TSC22D3: variants seen among roughly 807,000 people sequenced by gnomAD.
TSC22D3 encodes the protein TSC22 domain family member 3, also known as TSC22 domain family protein 3.
Under a neutral mutation model 11.1 loss-of-function variants are expected in TSC22D3, and 4 were observed. The observed-to-expected ratio is 0.36, with a 90% CI of 0.18 to 0.83. The LOEUF (loss-of-function observed/expected upper bound fraction) is 0.83. Ranked by LOEUF, TSC22D3 falls within the 40% of genes least tolerant of loss-of-function variation. The pLI is 0.48. For synonymous variants in TSC22D3, 77 were observed against 70.3 expected, an observed-to-expected ratio of 1.10 and a Z score of -0.48; for missense variants, 118 against 159.4, an observed-to-expected ratio of 0.74 and a Z score of 1.40.
intron 1 of TSC22D3, among the ~76,000 whole-genome samples, chrX:107,758,543 C>A (rs1929280737): frequency 9.0e-6 from 1 of 111,513 alleles, no homozygotes; most frequent in Non-Finnish European, 1.9e-5. Context: ...CTCAAAGGGA[C>A]CTGCACTGAG....
At chrX:107,720,423 G>A (rs1044031870) in intron 1 of TSC22D3, among the ~76,000 whole-genome samples, 3 of 112,210 alleles carry the variant, frequency 2.7e-5, no homozygotes, top group African/African-American at 6.5e-5. Context: ...CAGGCGCAGC[G>A]GCTCACGCCT....
chrX:107,744,221 C>T (rs901325130), intron 1 of TSC22D3, among the ~76,000 whole-genome samples: 40 of 111,975 alleles, frequency 3.6e-4, no homozygotes, highest in Admixed American at 1.4e-3. Context: ...GCCAACCTTC[C>T]AATACTGCCA....
intron 1 of TSC22D3, among the ~76,000 whole-genome samples, chrX:107,751,617 C>T (rs1238370090): frequency 8.9e-6 from 1 of 112,205 alleles, no homozygotes; most frequent in Non-Finnish European, 1.9e-5. Context: ...CCAGTTTCTT[C>T]CCTACATCTT....
intron 1 of TSC22D3, among the ~76,000 whole-genome samples, chrX:107,767,597 T>A (rs747465241): frequency 3.3e-4 from 37 of 112,423 alleles, no homozygotes; most frequent in Admixed American, 7.5e-4. Context: ...CTCTCACAGA[T>A]CGCATCTTAG....
At chrX:107,742,273 GAGAGAGAA>G (rs1173465332) in intron 1 of TSC22D3, among the ~76,000 whole-genome samples, 1,134 of 68,972 alleles carry the variant, frequency 0.016, 11 homozygotes, top group Non-Finnish European at 0.022. Flanking sequence ...GAGAGAGAGA[GAGAGAGAA>G]AGAGAGAGAG....
rs1409740783 is a variant in TSC22D3, at chrX:107,713,446, T to C, written c.*1073A>G. ...CTCATCCACAGTAGGACACCATCCT[T>C]CTGTTCACTTGAAAGTTTTCCACAA... On this transcript the variant is annotated 3_prime_UTR_variant, in exon 3 of 3. Transcript: ENST00000372383. 1.8e-5 allele frequency: 2 copies of C among 112,259 alleles called. No individual in the cohort carries two copies. Among genetic ancestry groups the C allele is most frequent in the African/African-American group, 6.5e-5 (2 of 30,699 alleles). The allele number at this position is 112,259 out of a possible 1,213,427, so 9.3% of individuals were successfully genotyped here.
chrX:107,772,714 G>A (rs1929958137), intron 1 of TSC22D3, among the ~76,000 whole-genome samples: 1 of 110,607 alleles, frequency 9.0e-6, no homozygotes, highest in Admixed American at 9.6e-5. Context: ...AGCTGGGCAT[G>A]GTGGTGTGTG....
intron 1 of TSC22D3, chrX:107,717,124 G>A: frequency 1.1e-6 from 1 of 877,082 alleles, no homozygotes; most frequent in Non-Finnish European, 1.4e-6. Context: ...ATGGCGTCAG[G>A]GGCCATGCAA....
At chrX:107,763,246 A>C (rs932297050) in intron 1 of TSC22D3, among the ~76,000 whole-genome samples, 1 of 111,440 alleles carries the variant, frequency 9.0e-6, no homozygotes, top group Non-Finnish European at 1.9e-5. Context: ...CAATAATCTT[A>C]GTTCCTTTAG....
chrX:107,775,872 G>GCAGGCTCT (rs1358978308), upstream of TSC22D3: 1 of 117,485 alleles, frequency 8.5e-6, no homozygotes, highest in Non-Finnish European at 1.8e-5. Context: ...TCCCCGGTTT[G>GCAGGCTCT]CAGGCTCTCA....
chrX:107,717,879 A>G (rs1927133662), intron 1 of TSC22D3, among the ~76,000 whole-genome samples: 1 of 111,471 alleles, frequency 9.0e-6, no homozygotes. Flanking sequence ...TCCACATTCT[A>G]CTCTTTGAAG....
At chrX:107,720,680 C>T (rs751133873) in intron 1 of TSC22D3, among the ~76,000 whole-genome samples, 8 of 103,829 alleles carry the variant, frequency 7.7e-5, no homozygotes, top group Non-Finnish European at 1.4e-4. Flanking sequence ...GCAACAAGAG[C>T]GAAACTCTGT....
At chrX:107,729,916 G>A (rs1003097173) in intron 1 of TSC22D3, among the ~76,000 whole-genome samples, 10 of 112,799 alleles carry the variant, frequency 8.9e-5, no homozygotes, top group African/African-American at 1.3e-4. Context: ...GGAATGCCCC[G>A]CAGGTGGGCC....
chrX:107,728,531 T>C (rs1256244033), intron 1 of TSC22D3, among the ~76,000 whole-genome samples: 6 of 111,680 alleles, frequency 5.4e-5, no homozygotes, highest in Non-Finnish European at 3.8e-5. Flanking sequence ...CAGTGAGCAG[T>C]AGAGGGTGAT....
At chrX:107,726,035 G>C (rs972486815) in intron 1 of TSC22D3, among the ~76,000 whole-genome samples, 1 of 110,919 alleles carries the variant, frequency 9.0e-6, no homozygotes, top group Non-Finnish European at 1.9e-5. Context: ...AAACCTGCTG[G>C]GGCTGACTAT....
At position 107,714,629 on chromosome X, in the gene TSC22D3, T is replaced by C; in HGVS notation, c.493A>G (p.Thr165Ala). 1.3e-5 allele frequency: 16 copies of C among 1,211,283 alleles called. No individual in the cohort carries two copies. Among genetic ancestry groups the C allele is most frequent in the Non-Finnish European group, 1.8e-5 (16 of 895,397 alleles). ...QLERENTLLK[T>A]LASPEQLEKF... ...TCCAGCTGCTCTGGGCTTGCCAGGGTCTTCAACAGGGTGTTCTCACGCTCT... is the reference window on the plus strand; with the variant it reads ...TCCAGCTGCTCTGGGCTTGCCAGGGCCTTCAACAGGGTGTTCTCACGCTCT... The change falls in exon 3 of 3, where the codon ACC (threonine) becomes GCC (alanine). Residue 165 changes from threonine to alanine, a missense_variant. By Grantham distance (58) the Thr-to-Ala change is moderately conservative. Transcript: ENST00000372383.
chrX:107,729,523 C>CACTA (rs1319653626), intron 1 of TSC22D3, among the ~76,000 whole-genome samples: 2 of 112,231 alleles, frequency 1.8e-5, no homozygotes, highest in African/African-American at 6.5e-5. Context: ...CTAGAGCTGG[C>CACTA]GAGGGAAGCC....
Position 107,716,655 on chromosome X carries a change from G to A in TSC22D3, c.321-705C>T, listed in dbSNP as rs372162547. On this transcript the variant is annotated intron_variant, in intron 1 of 2. Coordinates refer to ENST00000372383, the MANE Select transcript of TSC22D3 (RefSeq NM_198057.3). ...TAGCCCAGCTCCGGCCGGCGCCCCG[G>A]CTCGGGAGGCGCCGGAGCTGGGGCC... 1.2e-4 allele frequency: 140 copies of A among 1,143,631 alleles called. 2 individuals are homozygous for A. The African/African-American group carries it at 2.2e-3, about 18-fold the overall frequency. The allele number at this position is 1,143,631 out of a possible 1,213,427, so 94.2% of individuals were successfully genotyped here. A position where few individuals can be genotyped will look rare whatever the true frequency, so the allele number is the denominator to read the frequency against.
At chrX:107,719,082 C>T (rs1164205394) in intron 1 of TSC22D3, among the ~76,000 whole-genome samples, 2 of 111,802 alleles carry the variant, frequency 1.8e-5, no homozygotes, top group Non-Finnish European at 3.8e-5. Context: ...CTATTGCTTT[C>T]CCCTCCCCCG....
Sources: allele counts gnomAD v4.1 joint callset (sites outside exome capture counted in the v4.1 genomes callset), GRCh38; gene constraint gnomAD v4.1.1; transcripts MANE v1.5; gene names NCBI Gene and HGNC (gene_info 2026-07-23, HGNC 2026-07-21).